NTN1: variants seen among roughly 807,000 people sequenced by gnomAD.
NTN1 encodes the protein netrin-1.
In NTN1, 11 loss-of-function variants were observed where a neutral mutation model predicts 54.2. That is an observed-to-expected ratio of 0.20 (90% confidence interval 0.13 to 0.34). The LOEUF (loss-of-function observed/expected upper bound fraction) is 0.34, where lower values mean the gene tolerates loss of function less well. Among genes scored for constraint, NTN1 ranks in the 10% least tolerant of loss-of-function variants. The pLI, the probability that NTN1 is intolerant of heterozygous loss-of-function variation, is 1.00. For synonymous variants in NTN1, 371 were observed against 382.0 expected (o/e 0.97, Z 0.33); for missense variants, 740 against 893.1 (o/e 0.83, Z 2.18).
intron 5 of NTN1, among the ~76,000 whole-genome samples, chr17:9,188,484 T>A (rs11078791): frequency 0.039 from 68 of 1,750 alleles, 14 homozygotes; most frequent in South Asian, 0.062. Flanking sequence ...AATTAAAAAA[T>A]AAAAACAAAA....
chr17:9,012,556 C>T, the NTN1 span, among the ~76,000 whole-genome samples: 43 of 151,558 alleles, frequency 2.8e-4, no homozygotes, highest in Non-Finnish European at 5.3e-4. Flanking sequence ...AAAACAAGCT[C>T]TGTCTTGGGA....
At chr17:9,193,111 G>T (rs976733128) in intron 5 of NTN1, among the ~76,000 whole-genome samples, 1 of 147,584 alleles carries the variant, frequency 6.8e-6, no homozygotes, top group African/African-American at 2.5e-5. Context: ...AGAAAAAAAA[G>T]CCGTTTCCTC....
chr17:9,130,206 A>G (rs567272555), intron 2 of NTN1, among the ~76,000 whole-genome samples: 1 of 152,228 alleles, frequency 6.6e-6, no homozygotes, highest in East Asian at 1.9e-4. Context: ...CAGATGGTGA[A>G]GGGAGCAGGG....
chr17:9,097,425 C>T (rs570422106), intron 2 of NTN1, among the ~76,000 whole-genome samples: 2 of 152,218 alleles, frequency 1.3e-5, no homozygotes, highest in African/African-American at 4.8e-5. Context: ...GAGTTCAAGA[C>T]CAGCCTGGCC....
At chr17:9,104,088 C>CAAAAAAAAAAA (rs55732200) in intron 2 of NTN1, among the ~76,000 whole-genome samples, 2 of 70,838 alleles carry the variant, frequency 2.8e-5, no homozygotes, top group Non-Finnish European at 5.0e-5. Context: ...GACTCCATCT[C>CAAAAAAAAAAA]AAAAAAAAAA....
At chr17:9,217,644 C>T (rs904881572) in intron 5 of NTN1, among the ~76,000 whole-genome samples, 5 of 152,138 alleles carry the variant, frequency 3.3e-5, no homozygotes, top group Non-Finnish European at 5.9e-5. Flanking sequence ...AGCCAAATAG[C>T]TGTCACAGTG....
chr17:9,125,019 T>C (rs1207156286), intron 2 of NTN1, among the ~76,000 whole-genome samples: 2 of 152,208 alleles, frequency 1.3e-5, no homozygotes, highest in African/African-American at 4.8e-5. Flanking sequence ...TGTGTTTCTT[T>C]TGTATACTTC....
chr17:9,035,852 T>A (rs1358216236), intron 2 of NTN1, among the ~76,000 whole-genome samples: 1 of 152,080 alleles, frequency 6.6e-6, no homozygotes, highest in Non-Finnish European at 1.5e-5. Context: ...TGAAACCCCA[T>A]CTCTACTAAA....
intron 2 of NTN1, among the ~76,000 whole-genome samples, chr17:9,037,500 C>T (rs370745323): frequency 9.9e-5 from 15 of 152,126 alleles, no homozygotes; most frequent in African/African-American, 3.6e-4. Context: ...ATTAATTCTG[C>T]CAGACATTCT....
chr17:9,230,253 C>G, intron 6 of NTN1, among the ~76,000 whole-genome samples: 1 of 152,256 alleles, frequency 6.6e-6, no homozygotes, highest in South Asian at 2.1e-4. Flanking sequence ...CCCCCAAGGT[C>G]AGGGCCCCTG....
rs74877847 is a variant in NTN1 at position 9,155,055 on chromosome 17, G to A, written c.1019-7758G>A. Among the ~76,000 whole-genome samples the A allele has an allele frequency of 2.7e-3, 406 of 152,264 alleles. 2 individuals carry two copies. The highest frequency in any genetic ancestry group is 9.2e-3 in the African/African-American group (382 of 41,550). ...TGGGGCAGCGCTGGCAGAATATCCCGTCTGTGCTCCGACTCTCTTCTCAGG... is the reference window on the plus strand; with the variant it reads ...TGGGGCAGCGCTGGCAGAATATCCCATCTGTGCTCCGACTCTCTTCTCAGG... On this transcript the variant is annotated intron_variant, in intron 2 of 6. Transcript: ENST00000173229.
intron 2 of NTN1, among the ~76,000 whole-genome samples, chr17:9,031,349 CGTG>C (rs2091887851): frequency 6.6e-6 from 1 of 152,082 alleles, no homozygotes; most frequent in African/African-American, 2.4e-5. Context: ...TTGGGGCGGC[CGTG>C]GTGAGTACCC....
intron 2 of NTN1, among the ~76,000 whole-genome samples, chr17:9,141,761 G>A (rs527850466): frequency 2.0e-5 from 3 of 152,126 alleles, no homozygotes; most frequent in South Asian, 2.1e-4. Flanking sequence ...AGAGGGAGTC[G>A]GATCCAAAAC....
chr17:9,065,894 T>A (rs932041922), intron 2 of NTN1, among the ~76,000 whole-genome samples: 4 of 152,202 alleles, frequency 2.6e-5, no homozygotes, highest in Non-Finnish European at 4.4e-5. Flanking sequence ...AACAAAACCC[T>A]CATTTATCAT....
the NTN1 span, among the ~76,000 whole-genome samples, chr17:9,013,779 T>A: frequency 6.6e-6 from 1 of 152,170 alleles, no homozygotes; most frequent in Non-Finnish European, 1.5e-5. Context: ...GGCCCCCCAC[T>A]ATTTTCTCCA....
Position 9,022,943 on chromosome 17 carries a change from C to T in NTN1, c.570C>T (p.Arg190=), listed in dbSNP as rs747555753. 26 of 1,611,736 alleles carry T rather than the reference C, an allele frequency of 1.6e-5. No individual in the cohort carries two copies. Among genetic ancestry groups the T allele is most frequent in the Non-Finnish European group, 2.2e-5 (26 of 1,179,726 alleles). ...QCRKMYNRPH[R]APITKQNEQE... ...GCAAGATGTACAACCGGCCGCACCG[C>T]GCGCCCATCACCAAGCAGAACGAGC... The change falls in exon 2 of 7, where the codon CGC becomes CGT. Residue 190 remains arginine (R), a synonymous_variant. Coordinates refer to ENST00000173229, the MANE Select transcript of NTN1 (RefSeq NM_004822.3).
At chr17:9,013,427 G>T in the NTN1 span, among the ~76,000 whole-genome samples, 1 of 152,170 alleles carries the variant, frequency 6.6e-6, no homozygotes, top group Admixed American at 6.5e-5. Flanking sequence ...TGTTGGTCAG[G>T]CTGGTCTTGA....
chr17:9,046,512 C>T (rs923731908), intron 2 of NTN1, among the ~76,000 whole-genome samples: 5 of 152,182 alleles, frequency 3.3e-5, no homozygotes, highest in Admixed American at 1.3e-4. Flanking sequence ...AGAGTCCAGG[C>T]ATGGTGGCTC....
intron 2 of NTN1, among the ~76,000 whole-genome samples, chr17:9,130,024 T>C (rs938021098): frequency 2.1e-4 from 32 of 152,100 alleles, no homozygotes; most frequent in African/African-American, 6.5e-4. Context: ...ATGTTGGTGA[T>C]AAGGGACCCT....
Sources: gnomAD v4.1 joint callset for allele counts (sites outside exome capture counted in the v4.1 genomes callset) on GRCh38, gnomAD v4.1.1 for gene constraint, MANE v1.5 for transcripts, NCBI Gene and HGNC (gene_info 2026-07-23, HGNC 2026-07-21) for gene names.